SLC25A21: variants seen among roughly 807,000 people sequenced by gnomAD.
SLC25A21 encodes the protein mitochondrial 2-oxodicarboxylate carrier.
Under a neutral mutation model 43.8 loss-of-function variants are expected in SLC25A21, and 47 were observed. The observed-to-expected ratio is 1.07, with a 90% CI of 0.85 to 1.37. SLC25A21 has a LOEUF of 1.37. Ranked by LOEUF, SLC25A21 falls within the 40% of genes most tolerant of loss-of-function variation. The pLI, the probability that SLC25A21 is intolerant of heterozygous loss-of-function variation, is 0.00. For missense variants in SLC25A21, 352 were observed against 350.2 expected (o/e 1.00, Z -0.04); for synonymous variants, 131 against 121.3 (o/e 1.08, Z -0.52).
chr14:36,783,006 T>TA (rs1887125136), intron 3 of SLC25A21, among the ~76,000 whole-genome samples: 4 of 148,660 alleles, frequency 2.7e-5, no homozygotes, highest in African/African-American at 9.9e-5. Context: ...AAAATAAAAA[T>TA]AAAAAATAAA....
At chr14:37,009,979 G>T (rs1408128838) in intron 1 of SLC25A21, among the ~76,000 whole-genome samples, 1 of 152,208 alleles carries the variant, frequency 6.6e-6, no homozygotes, top group East Asian at 1.9e-4. Context: ...ATATGCAAGT[G>T]TGTGAACAGA....
chr14:36,708,368 T>C (rs947339370), intron 7 of SLC25A21, among the ~76,000 whole-genome samples: 5 of 152,354 alleles, frequency 3.3e-5, no homozygotes, highest in African/African-American at 7.2e-5. Context: ...TGCTATCTAA[T>C]AGATAATTTG....
intron 1 of SLC25A21, among the ~76,000 whole-genome samples, chr14:37,127,823 T>C (rs796591401): frequency 2.0e-5 from 3 of 152,268 alleles, no homozygotes; most frequent in African/African-American, 7.2e-5. Context: ...CAGTTTTAGA[T>C]GGTGGTGGAA....
intron 1 of SLC25A21, among the ~76,000 whole-genome samples, chr14:37,060,030 A>G (rs1407347460): frequency 6.6e-6 from 1 of 152,066 alleles, no homozygotes; most frequent in Non-Finnish European, 1.5e-5. Context: ...TTCCCCCTTA[A>G]CTCTGTGCTA....
rs139867701 is a variant in SLC25A21 at position 36,802,310 on chromosome 14, A to G, written c.203+11608T>C. 5.5e-3 allele frequency among the ~76,000 whole-genome samples: 839 copies of G among 152,288 alleles called. 5 individuals are homozygous for G. The highest frequency in any genetic ancestry group is 0.017 in the African/African-American group (708 of 41,570). On this transcript the variant is annotated intron_variant, in intron 3 of 9. Transcript: ENST00000331299. ...TATATATGATTATATACAAAGAACT[A>G]TGTGATACACTATAGGAGCCCCAAA...
chr14:37,100,639 T>C (rs752411516), intron 1 of SLC25A21, among the ~76,000 whole-genome samples: 34 of 152,280 alleles, frequency 2.2e-4, no homozygotes, highest in Admixed American at 5.2e-4. Context: ...CCCAACACCA[T>C]TCAGGTTTAG....
chr14:36,902,651 C>T (rs1016476415), intron 1 of SLC25A21, among the ~76,000 whole-genome samples: 5 of 152,226 alleles, frequency 3.3e-5, no homozygotes, highest in Admixed American at 6.5e-5. Flanking sequence ...CAGAGGAGGC[C>T]ATGACTTTTG....
Position 36,689,909 on chromosome 14 carries a change from T to C in SLC25A21, c.604-4984A>G, listed in dbSNP as rs1882722416. 2.0e-5 allele frequency among the ~76,000 whole-genome samples: 3 copies of C among 152,248 alleles called. No individual in the cohort carries two copies. The East Asian group carries it at 5.8e-4, about 29-fold the overall frequency. On this transcript the variant is annotated intron_variant, in intron 7 of 9. Transcript: ENST00000331299. ...GATAATTGATGCTCTAAGATTCACC[T>C]TAATCATTGACCCTAAGGGGCTCTG...
intron 2 of SLC25A21, among the ~76,000 whole-genome samples, chr14:36,855,030 T>A (rs898314874): frequency 7.2e-5 from 11 of 152,074 alleles, no homozygotes; most frequent in African/African-American, 2.4e-4. Flanking sequence ...GAAAAATTTT[T>A]AAAAAATAAT....
intron 2 of SLC25A21, among the ~76,000 whole-genome samples, chr14:36,827,973 A>C (rs1170900145): frequency 6.6e-6 from 1 of 152,226 alleles, no homozygotes; most frequent in Non-Finnish European, 1.5e-5. Context: ...TTTTTGTTAC[A>C]TTGCAACACC....
At chr14:36,790,467 G>A (rs1887445810) in intron 3 of SLC25A21, among the ~76,000 whole-genome samples, 1 of 151,972 alleles carries the variant, frequency 6.6e-6, no homozygotes, top group Admixed American at 6.6e-5. Flanking sequence ...TAGTTACTCT[G>A]CTTTAGCTCA....
chr14:36,835,139 A>G (rs957844807), intron 2 of SLC25A21, among the ~76,000 whole-genome samples: 1 of 152,226 alleles, frequency 6.6e-6, no homozygotes, highest in East Asian at 1.9e-4. Context: ...CTGAGCAGAC[A>G]TAAGTCTTTG....
chr14:37,086,189 T>G (rs994191531), intron 1 of SLC25A21, among the ~76,000 whole-genome samples: 1 of 152,184 alleles, frequency 6.6e-6, no homozygotes, highest in African/African-American at 2.4e-5. Context: ...CTTCATCTCC[T>G]TTTTAAAATA....
chr14:36,704,421 C>T (rs1188171602), intron 7 of SLC25A21, among the ~76,000 whole-genome samples: 34 of 152,000 alleles, frequency 2.2e-4, no homozygotes, highest in Admixed American at 2.2e-3. Flanking sequence ...CATTCTGGGA[C>T]GGTGAGGTGG....
intron 5 of SLC25A21, among the ~76,000 whole-genome samples, chr14:36,726,575 C>T (rs1380444263): frequency 3.3e-5 from 5 of 152,160 alleles, no homozygotes; most frequent in Non-Finnish European, 5.9e-5. Context: ...AGTTCTTATT[C>T]GCTATCTGTT....
chr14:37,067,159 A>T (rs1188606558), intron 1 of SLC25A21, among the ~76,000 whole-genome samples: 1 of 152,198 alleles, frequency 6.6e-6, no homozygotes, highest in Non-Finnish European at 1.5e-5. Context: ...TTGAAGAACT[A>T]ACCATTTTTT....
intron 1 of SLC25A21, among the ~76,000 whole-genome samples, chr14:37,040,328 G>GAAA (rs1361693920): frequency 5.1e-5 from 2 of 39,478 alleles, no homozygotes; most frequent in Non-Finnish European, 7.8e-5. Context: ...AAGGAAGAGG[G>GAAA]GAAGGAAGGA....
intron 7 of SLC25A21, among the ~76,000 whole-genome samples, chr14:36,707,556 C>T (rs893670672): frequency 3.9e-5 from 6 of 152,220 alleles, no homozygotes; most frequent in South Asian, 2.1e-4. Context: ...TTTACTAGTA[C>T]AATCTAGTAT....
At chr14:36,722,625 G>A (rs1178445407) in intron 6 of SLC25A21, among the ~76,000 whole-genome samples, 1 of 151,864 alleles carries the variant, frequency 6.6e-6, no homozygotes, top group Non-Finnish European at 1.5e-5. Context: ...AATATACTGG[G>A]TTAAATAAAA....
Sources: allele counts gnomAD v4.1 joint callset (sites outside exome capture counted in the v4.1 genomes callset), GRCh38; gene constraint gnomAD v4.1.1; transcripts MANE v1.5; gene names NCBI Gene and HGNC (gene_info 2026-07-23, HGNC 2026-07-21).